Variants in DNAL1 observed in about 807,000 individuals in gnomAD.
The protein encoded by DNAL1 is chromosome 14 open reading frame 168.
DNAL1 carries 17 observed loss-of-function variants against 29.4 expected under a neutral mutation model. That is an observed-to-expected ratio of 0.58 (90% CI 0.40 to 0.87). The LOEUF is 0.87. Among genes scored for constraint, DNAL1 ranks in the 40% least tolerant of loss-of-function variants. DNAL1 has a pLI of 0.00. For synonymous variants in DNAL1, 78 were observed against 76.3 expected (o/e 1.02, Z -0.12); for missense variants, 188 against 214.1 (o/e 0.88, Z 0.76).
intron 1 of DNAL1, among the ~76,000 whole-genome samples, chr14:73,647,440 G>A (rs527923320): frequency 2.6e-5 from 4 of 151,208 alleles, no homozygotes; most frequent in Admixed American, 6.6e-5. Context: ...TCACATTTTC[G>A]TATTACTGAG....
At chr14:73,691,996 CTTTTTTTTT>C (rs3041353) in intron 7 of DNAL1, among the ~76,000 whole-genome samples, 1 of 113,652 alleles carries the variant, frequency 8.8e-6, no homozygotes, top group Non-Finnish European at 1.7e-5. Flanking sequence ...TGTGCCCAGA[CTTTTTTTTT>C]TTTTTTTTTT....
intron 1 of DNAL1, chr14:73,651,367 T>C (rs925637940): frequency 6.6e-6 from 1 of 151,658 alleles, no homozygotes; most frequent in Non-Finnish European, 1.5e-5. Context: ...ATCAAGGTTA[T>C]ACTAGCCTCT....
At chr14:73,675,963 G>A (rs1427145334) in intron 5 of DNAL1, among the ~76,000 whole-genome samples, 5 of 152,150 alleles carry the variant, frequency 3.3e-5, no homozygotes, top group African/African-American at 9.6e-5. Context: ...TGCAGGAGCC[G>A]AGATTGCGCC....
At chr14:73,646,856 A>G (rs1201268815) in intron 1 of DNAL1, among the ~76,000 whole-genome samples, 2 of 152,200 alleles carry the variant, frequency 1.3e-5, no homozygotes, top group East Asian at 1.9e-4. Context: ...GAAACTTGTT[A>G]TGCAGCTCAT....
At chr14:73,654,357 A>G (rs35062837) in intron 1 of DNAL1, among the ~76,000 whole-genome samples, 23,122 of 152,256 alleles carry the variant, frequency 0.15, 2,884 homozygotes, top group East Asian at 0.67. Context: ...TCAGGAAATT[A>G]AAACGTCCTC....
chr14:73,673,532 G>A (rs1891662272), intron 5 of DNAL1, among the ~76,000 whole-genome samples: 1 of 152,098 alleles, frequency 6.6e-6, no homozygotes, highest in African/African-American at 2.4e-5. Context: ...ATAGCCAATA[G>A]TTGTTTTTCT....
Position 73,696,112 on chromosome 14 carries a change from C to A in DNAL1, c.*170C>A, listed in dbSNP as rs145055409. 2.9e-4 allele frequency: 190 copies of A among 649,824 alleles called. 1 individual carries two copies. In the African/African-American group the frequency reaches 3.1e-3, roughly 11 times the overall value. 40.3% of individuals were successfully genotyped at this position (649,824 alleles called of 1,614,324 possible). A position where few individuals can be genotyped will look rare whatever the true frequency, so the allele number is the denominator to read the frequency against. On this transcript the variant is annotated 3_prime_UTR_variant, in exon 8 of 8. Transcript: ENST00000553645. ...CCTTTAACTTATTCAGTGTTTCTCC[C>A]CAAAACTGGTAATGCCAACCTTATA...
intron 5 of DNAL1, among the ~76,000 whole-genome samples, chr14:73,677,010 G>A (rs868590531): frequency 4.4e-5 from 6 of 137,864 alleles, no homozygotes; most frequent in Admixed American, 3.2e-4. Flanking sequence ...TTGCTCTGTC[G>A]CCCAGGCTAG....
At chr14:73,654,771 T>C (rs1891173628) in intron 1 of DNAL1, 76 bp from the exon 2 acceptor site, 44 of 1,299,486 alleles carry the variant, frequency 3.4e-5, no homozygotes, top group Non-Finnish European at 4.3e-5. Flanking sequence ...AATAAATACA[T>C]ACATACATAC....
rs937742134 is a variant in DNAL1, at chr14:73,703,435, G to A, written c.*7493G>A. The stretch of plus-strand genomic sequence containing the variant: ...AAGTAACTGAAGATCCACAAAAGAA[G>A]TAAAAATAGCCTTAACTGATGACAT... On this transcript the variant is annotated 3_prime_UTR_variant, in exon 8 of 8. Transcript: ENST00000553645. 4.6e-5 allele frequency: 7 copies of A among 152,294 alleles called. No individual in the cohort carries two copies. Among genetic ancestry groups the A allele is most frequent in the South Asian group, 2.1e-4 (1 of 4,826 alleles). The allele number at this position is 152,294 out of a possible 1,614,324, so 9.4% of individuals were successfully genotyped here.
At chr14:73,653,569 G>A (rs1167647997) in intron 1 of DNAL1, among the ~76,000 whole-genome samples, 1 of 151,932 alleles carries the variant, frequency 6.6e-6, no homozygotes, top group African/African-American at 2.4e-5. Context: ...TGTTGCCCAG[G>A]CTGGTATTGA....
chr14:73,650,039 A>G (rs1402917959), intron 1 of DNAL1, among the ~76,000 whole-genome samples: 1 of 152,198 alleles, frequency 6.6e-6, no homozygotes, highest in Non-Finnish European at 1.5e-5. Context: ...GCTGGAGTAT[A>G]GTAGCATAAT....
At chr14:73,671,283 TAA>T (rs1891610289) in intron 4 of DNAL1, among the ~76,000 whole-genome samples, 1 of 152,192 alleles carries the variant, frequency 6.6e-6, no homozygotes, top group East Asian at 1.9e-4. Flanking sequence ...GCCAGCAATT[TAA>T]GACCATGTGT....
chr14:73,645,144 A>G (rs918075611), intron 1 of DNAL1, 102 bp downstream of exon 1: 43 of 1,547,580 alleles, frequency 2.8e-5, no homozygotes, highest in Non-Finnish European at 3.4e-5. Context: ...GAACAGCGGA[A>G]GGGAGCCGGT....
chr14:73,675,783 C>T (rs1009192563), intron 5 of DNAL1, among the ~76,000 whole-genome samples: 5 of 151,726 alleles, frequency 3.3e-5, no homozygotes, highest in African/African-American at 7.3e-5. Context: ...TTTGGGAGGC[C>T]GAGGCAGTGG....
In DNAL1 at chr14:73,687,273, C is replaced by G. The variant is rs1346829170; in HGVS notation, c.279C>G (p.Asp93Glu). ...TTCTTTTTCAGGAGGCAGTAGGGGA[C>G]ACATTAGAAGAACTGTGGATCTCCT... is the stretch of plus-strand genomic sequence containing the variant. ...KNLNGLEAVG[D>E]TLEELWISYN... Residue 93 changes from aspartate to glutamate, a missense_variant, in exon 6 of 8, where the codon GAC (aspartate) becomes GAG (glutamate). By Grantham distance (45) the Asp-to-Glu change is conservative. Coordinates refer to ENST00000553645, the MANE Select transcript of DNAL1 (RefSeq NM_031427.4). The G allele has an allele frequency of 6.2e-7, 1 of 1,612,514 alleles. No homozygotes were observed. Among genetic ancestry groups the G allele is most frequent in the Non-Finnish European group, 8.5e-7 (1 of 1,179,608 alleles).
At chr14:73,647,378 A>AG (rs1395853907) in intron 1 of DNAL1, among the ~76,000 whole-genome samples, 1 of 106,452 alleles carries the variant, frequency 9.4e-6, no homozygotes, top group Non-Finnish European at 1.9e-5. Flanking sequence ...AAAAAAAAAA[A>AG]AAAGAAAAAG....
chr14:73,688,757 TGAA>T (rs1432580523), intron 6 of DNAL1, among the ~76,000 whole-genome samples: 1 of 152,208 alleles, frequency 6.6e-6, no homozygotes, highest in Non-Finnish European at 1.5e-5. Context: ...CAGCACAGCA[TGAA>T]GAAGACCTGT....
At chr14:73,652,379 A>G (rs1891131380) in intron 1 of DNAL1, among the ~76,000 whole-genome samples, 1 of 152,130 alleles carries the variant, frequency 6.6e-6, no homozygotes, top group Admixed American at 6.6e-5. Flanking sequence ...TTCCCACCTC[A>G]GCCTCCAGAG....
Sources: allele counts gnomAD v4.1 joint callset (sites outside exome capture counted in the v4.1 genomes callset), GRCh38; gene constraint gnomAD v4.1.1; transcripts MANE v1.5; gene names NCBI Gene and HGNC (gene_info 2026-07-23, HGNC 2026-07-21).